CSMD1: variants seen among roughly 807,000 people sequenced by gnomAD.
The protein encoded by CSMD1 is CUB and sushi domain-containing protein 1.
Under a neutral mutation model 417.5 loss-of-function variants are expected in CSMD1, and 213 were observed. The ratio of observed to expected loss-of-function variants is 0.51; its 90% CI spans 0.46 to 0.57. The LOEUF (loss-of-function observed/expected upper bound fraction) is 0.57, where lower values mean the gene tolerates loss of function less well. Ranked by LOEUF, CSMD1 falls within the 20% of genes least tolerant of loss-of-function variation. The pLI is 0.00. For synonymous variants in CSMD1, 2,862 were observed against 1,736.8 expected (o/e 1.65, Z -16.11); for missense variants, 6,923 against 4,529.7 (o/e 1.53, Z -15.17).
At chr8:3,609,339 A>T (rs1440908956) in intron 8 of CSMD1, among the ~76,000 whole-genome samples, 1 of 152,136 alleles carries the variant, frequency 6.6e-6, no homozygotes, top group East Asian at 1.9e-4. Context: ...CATCAATCTT[A>T]CTGATAAATA....
At chr8:4,734,349 A>G (rs1810088867) in intron 1 of CSMD1, among the ~76,000 whole-genome samples, 1 of 152,162 alleles carries the variant, frequency 6.6e-6, no homozygotes, top group Non-Finnish European at 1.5e-5. Context: ...CTTATTATAT[A>G]GTTATTTAGA....
intron 3 of CSMD1, among the ~76,000 whole-genome samples, chr8:4,284,816 G>A (rs184026587): frequency 4.9e-4 from 75 of 152,168 alleles, no homozygotes; most frequent in Non-Finnish European, 8.8e-4. Context: ...TTCAATATAT[G>A]TGGCCGTGTT....
intron 54 of CSMD1, among the ~76,000 whole-genome samples, chr8:2,995,008 T>A (rs1806754218): frequency 6.6e-6 from 1 of 152,150 alleles, no homozygotes; most frequent in Non-Finnish European, 1.5e-5. Flanking sequence ...TTGGCAGAGT[T>A]CTTAGACTTG....
Position 3,786,678 on chromosome 8 carries a change from G to A in CSMD1, c.819-32636C>T, listed in dbSNP as rs80210740. 2.6e-5 allele frequency among the ~76,000 whole-genome samples: 4 copies of A among 152,186 alleles called. No homozygotes were observed. The East Asian group carries it at 5.8e-4, about 22-fold the overall frequency. On this transcript the variant is annotated intron_variant, in intron 5 of 69. Coordinates refer to ENST00000635120, the MANE Select transcript of CSMD1 (RefSeq NM_033225.6). ...TATGATAAAATACTACAGACTTTGTGGCTTAAACGAAAACCATGTATTTCT... is the reference window on the plus strand; with the variant it reads ...TATGATAAAATACTACAGACTTTGTAGCTTAAACGAAAACCATGTATTTCT...
At chr8:3,843,631 A>G (rs901320532) in intron 5 of CSMD1, among the ~76,000 whole-genome samples, 2 of 152,218 alleles carry the variant, frequency 1.3e-5, no homozygotes, top group Non-Finnish European at 2.9e-5. Context: ...TTGTTATAGG[A>G]TACCATGGAA....
chr8:4,588,726 A>G (rs529188597), intron 2 of CSMD1, among the ~76,000 whole-genome samples: 1 of 151,540 alleles, frequency 6.6e-6, no homozygotes, highest in African/African-American at 2.4e-5. Context: ...CAGAGGTTGC[A>G]GTAAGCCGAG....
At chr8:3,214,097 G>T (rs1797759536) in intron 30 of CSMD1, among the ~76,000 whole-genome samples, 2 of 151,966 alleles carry the variant, frequency 1.3e-5, no homozygotes, top group African/African-American at 4.8e-5. Context: ...ACTCGCCTCA[G>T]CCTCTTGAAG....
intron 5 of CSMD1, among the ~76,000 whole-genome samples, chr8:3,848,771 A>T (rs78865770): frequency 0.18 from 27,980 of 152,056 alleles, 2,756 homozygotes; most frequent in East Asian, 0.4. Context: ...ATAATTGTCA[A>T]ATATTTAGTA....
chr8:3,258,001 C>T (rs6558745), intron 26 of CSMD1, among the ~76,000 whole-genome samples: 79,318 of 151,888 alleles, frequency 0.52, 21,041 homozygotes, highest in South Asian at 0.58. Context: ...TGCAGGGGCA[C>T]GGCAGGAGAT....
intron 3 of CSMD1, among the ~76,000 whole-genome samples, chr8:4,321,722 T>C (rs1799283817): frequency 6.6e-6 from 1 of 152,190 alleles, no homozygotes; most frequent in South Asian, 2.1e-4. Flanking sequence ...GATTAAAGTT[T>C]CCAAATTATT....
At chr8:3,984,482 A>C (rs1208335279) in intron 5 of CSMD1, among the ~76,000 whole-genome samples, 1 of 152,024 alleles carries the variant, frequency 6.6e-6, no homozygotes, top group Non-Finnish European at 1.5e-5. Flanking sequence ...AAGCAGCATT[A>C]AATAATGACT....
rs192253698 is a variant in CSMD1 at position 4,185,112 on chromosome 8, C to G, written c.416-153013G>C. On this transcript the variant is annotated intron_variant, in intron 3 of 69. Coordinates refer to ENST00000635120, the MANE Select transcript of CSMD1 (RefSeq NM_033225.6). ...CAAGATCGCACCACTGCACTCCAGC[C>G]TGGGCACCTGAGTGAAATTTTGCCT... is the stretch of plus-strand genomic sequence containing the variant. Among the ~76,000 whole-genome samples the G allele has an allele frequency of 4.5e-5, 6 of 133,586 alleles. No individual in the cohort carries two copies. In the East Asian group the frequency reaches 1.3e-3, roughly 29 times the overall value. The allele number at this position is 133,586 out of a possible 152,430, so 87.6% of individuals were successfully genotyped here.
At chr8:4,787,895 G>A in intron 1 of CSMD1, 2 of 1,581,632 alleles carry the variant, frequency 1.3e-6, no homozygotes, top group Non-Finnish European at 1.7e-6. Flanking sequence ...ATTGAATTTG[G>A]TGTTGATGTA....
At chr8:3,315,998 T>C (rs1177097846) in intron 23 of CSMD1, among the ~76,000 whole-genome samples, 1 of 152,202 alleles carries the variant, frequency 6.6e-6, no homozygotes, top group Non-Finnish European at 1.5e-5. Flanking sequence ...AGTGAAATAA[T>C]TCAAATTATT....
At chr8:3,797,423 C>A (rs896775112) in intron 5 of CSMD1, among the ~76,000 whole-genome samples, 1 of 151,934 alleles carries the variant, frequency 6.6e-6, no homozygotes, top group Non-Finnish European at 1.5e-5. Flanking sequence ...TTTCCTCTTA[C>A]ATTCAGTTTC....
intron 8 of CSMD1, among the ~76,000 whole-genome samples, chr8:3,597,062 T>A (rs2117055979): frequency 6.6e-6 from 1 of 152,208 alleles, no homozygotes; most frequent in South Asian, 2.1e-4. Flanking sequence ...TATTGGCCGA[T>A]AAAACAGAGC....
intron 3 of CSMD1, among the ~76,000 whole-genome samples, chr8:4,108,073 C>T (rs1318460859): frequency 1.4e-5 from 2 of 147,664 alleles, no homozygotes; most frequent in Admixed American, 1.4e-4. Flanking sequence ...GAGACAGAGA[C>T]AGAGAGAGAG....
At chr8:3,954,215 A>T (rs1811775004) in intron 5 of CSMD1, among the ~76,000 whole-genome samples, 1 of 152,168 alleles carries the variant, frequency 6.6e-6, no homozygotes, top group South Asian at 2.1e-4. Flanking sequence ...ATAAAGGAGA[A>T]AAAGAGACCC....
intron 2 of CSMD1, among the ~76,000 whole-genome samples, chr8:4,531,603 C>A (rs376529197): frequency 2.0e-5 from 3 of 152,208 alleles, no homozygotes; most frequent in African/African-American, 7.2e-5. Context: ...AAGATGCGAG[C>A]TTTCTGCGCT....
Sources: gnomAD v4.1 joint callset for allele counts (sites outside exome capture counted in the v4.1 genomes callset) on GRCh38, gnomAD v4.1.1 for gene constraint, MANE v1.5 for transcripts, NCBI Gene and HGNC (gene_info 2026-07-23, HGNC 2026-07-21) for gene names.